The following R3HDM2 variants were observed in gnomAD, a reference collection of about 807,000 sequenced individuals.
R3HDM2 encodes R3H domain-containing protein 2.
A neutral mutation model predicts 124.5 loss-of-function variants in R3HDM2; 38 were observed. The observed-to-expected ratio is 0.31, with a 90% CI of 0.24 to 0.40. R3HDM2 has a LOEUF of 0.40. Ranked by LOEUF, R3HDM2 falls within the 10% of genes least tolerant of loss-of-function variation. The pLI is 1.00. For synonymous variants in R3HDM2, 391 were observed against 448.0 expected (o/e 0.87, Z 1.61); for missense variants, 869 against 1,236.9 (o/e 0.70, Z 4.46).
intron 1 of R3HDM2, among the ~76,000 whole-genome samples, chr12:57,416,759 G>C (rs1379010658): frequency 6.6e-6 from 1 of 152,030 alleles, no homozygotes; most frequent in African/African-American, 2.4e-5. Flanking sequence ...AGTGAGCTGA[G>C]ACTGCGCCAC....
intron 2 of R3HDM2, among the ~76,000 whole-genome samples, chr12:57,353,816 G>C (rs191810361): frequency 8.5e-5 from 13 of 152,088 alleles, no homozygotes; most frequent in Non-Finnish European, 1.9e-4. Context: ...AAGACATAGA[G>C]GGAAGAATGG....
chr12:57,269,882 G>A lies in R3HDM2; in HGVS notation c.1457C>T (p.Pro486Leu), dbSNP rs368114356. Residue 486 changes from proline to leucine, a missense_variant, in exon 15 of 24, where the codon CCT (proline) becomes CTT (leucine). By Grantham distance (98) the Pro-to-Leu change is moderately conservative. Coordinates refer to ENST00000402412, the MANE Select transcript of R3HDM2 (RefSeq NM_001394031.1). ...LFQTPLISQH[P>L]QQTSFIMAST... The stretch of plus-strand genomic sequence containing the variant: ...AGCCATGATGAAGCTAGTCTGCTGA[G>A]GGTGCTGGGAGATAAGTGGGGTCTG... 1 of 1,614,082 alleles carries A rather than the reference G, an allele frequency of 6.2e-7. No homozygotes were observed. The highest frequency in any genetic ancestry group is 1.3e-5 in the African/African-American group (1 of 74,922).
intron 2 of R3HDM2, among the ~76,000 whole-genome samples, chr12:57,335,708 G>C (rs2058773334): frequency 7.0e-6 from 1 of 142,892 alleles, no homozygotes; most frequent in Non-Finnish European, 1.5e-5. Context: ...TTATTAGGTT[G>C]CCCAGGCTGG....
intron 2 of R3HDM2, among the ~76,000 whole-genome samples, chr12:57,314,692 T>C (rs1428155066): frequency 2.6e-5 from 4 of 152,200 alleles, no homozygotes; most frequent in African/African-American, 9.6e-5. Flanking sequence ...TTATAAATTA[T>C]GAACTGCTTC....
intron 2 of R3HDM2, among the ~76,000 whole-genome samples, chr12:57,313,882 G>GAAAAAAA (rs869177467): frequency 1.7e-5 from 1 of 60,500 alleles, no homozygotes; most frequent in Admixed American, 2.2e-4. Context: ...TCCTGTCTCT[G>GAAAAAAA]AAAAAAAAAA....
At chr12:57,317,837 G>T (rs1041606797) in intron 2 of R3HDM2, among the ~76,000 whole-genome samples, 1 of 151,604 alleles carries the variant, frequency 6.6e-6, no homozygotes, top group African/African-American at 2.4e-5. Context: ...ATTACTAGCC[G>T]GGTGTGGTGG....
At chr12:57,342,930 C>G (rs1593596242) in intron 2 of R3HDM2, among the ~76,000 whole-genome samples, 1 of 152,250 alleles carries the variant, frequency 6.6e-6, no homozygotes, top group East Asian at 1.9e-4. Context: ...GCTATCTATT[C>G]CTCTTCCTAT....
At chr12:57,322,194 C>T (rs1160649112) in intron 2 of R3HDM2, among the ~76,000 whole-genome samples, 2 of 152,164 alleles carry the variant, frequency 1.3e-5, no homozygotes, top group Non-Finnish European at 2.9e-5. Context: ...CCAGCCTGGG[C>T]AACAGAGTGA....
chr12:57,369,972 T>C (rs953753697), intron 2 of R3HDM2, among the ~76,000 whole-genome samples: 1 of 152,176 alleles, frequency 6.6e-6, no homozygotes. Context: ...CACATATAAA[T>C]TAATAAGAAT....
chr12:57,320,711 A>G (rs2056304396), intron 2 of R3HDM2, among the ~76,000 whole-genome samples: 1 of 152,146 alleles, frequency 6.6e-6, no homozygotes, highest in Non-Finnish European at 1.5e-5. Context: ...CATATTCCCT[A>G]TAATTTTTTT....
At chr12:57,421,663 G>A (rs538693366) in intron 1 of R3HDM2, among the ~76,000 whole-genome samples, 1 of 151,078 alleles carries the variant, frequency 6.6e-6, no homozygotes, top group South Asian at 2.1e-4. Context: ...TGTGCCACCA[G>A]GCCCAGCTAA....
chr12:57,353,231 T>C (rs1437914918), intron 2 of R3HDM2, among the ~76,000 whole-genome samples: 2 of 151,982 alleles, frequency 1.3e-5, no homozygotes, highest in Non-Finnish European at 2.9e-5. Flanking sequence ...AACATACATA[T>C]AGGACAAATA....
intron 2 of R3HDM2, among the ~76,000 whole-genome samples, chr12:57,393,466 C>A (rs889763028): frequency 3.9e-5 from 6 of 152,026 alleles, no homozygotes; most frequent in Non-Finnish European, 8.8e-5. Context: ...GGCAACACAG[C>A]AAGACCTCAT....
chr12:57,289,175 A>G, intron 11 of R3HDM2, 135 bp from the exon 12 acceptor site: 1 of 813,310 alleles, frequency 1.2e-6, no homozygotes, highest in Non-Finnish European at 2.1e-6. Flanking sequence ...GAGAGGGGCC[A>G]GGGACAGGAT....
In R3HDM2 at chr12:57,357,554, G is replaced by GGT. The variant is rs1002515595; in HGVS notation, c.-36+38193_-36+38194dup. 2.7e-4 allele frequency among the ~76,000 whole-genome samples: 41 copies of GGT among 151,718 alleles called. 1 individual carries two copies. The highest frequency in any genetic ancestry group is 9.7e-4 in the African/African-American group (40 of 41,386). The stretch of plus-strand genomic sequence containing the variant: ...TCTCATACATACCTAATACTGGTAA[G>GGT]GTGTGTGTGTCTTCTCTTTTCCTTT... On this transcript the variant is annotated intron_variant, in intron 2 of 23. Transcript: ENST00000402412.
intron 2 of R3HDM2, among the ~76,000 whole-genome samples, chr12:57,391,028 AAAG>A (rs2066605260): frequency 6.6e-6 from 1 of 151,972 alleles, no homozygotes; most frequent in Non-Finnish European, 1.5e-5. Flanking sequence ...AAAAAAAAAA[AAAG>A]AAAGAAAGAA....
At chr12:57,285,563 G>C (rs1241117084) in intron 12 of R3HDM2, among the ~76,000 whole-genome samples, 3 of 152,104 alleles carry the variant, frequency 2.0e-5, no homozygotes, top group African/African-American at 7.2e-5. Context: ...AATGCCAAAA[G>C]TAGAATGGGA....
chr12:57,391,099 C>T (rs1396732837), intron 2 of R3HDM2, among the ~76,000 whole-genome samples: 1 of 150,948 alleles, frequency 6.6e-6, no homozygotes, highest in Non-Finnish European at 1.5e-5. Context: ...TTATCACAGA[C>T]AAATAAAAAC....
intron 13 of R3HDM2, 75 bp downstream of exon 13, chr12:57,283,749 T>A: frequency 4.7e-5 from 67 of 1,434,118 alleles, no homozygotes; most frequent in South Asian, 3.9e-4. Flanking sequence ...AAAAAAAAAG[T>A]AAATATCAGT....
Sources: allele counts gnomAD v4.1 joint callset (sites outside exome capture counted in the v4.1 genomes callset), GRCh38; gene constraint gnomAD v4.1.1; transcripts MANE v1.5; gene names NCBI Gene and HGNC (gene_info 2026-07-23, HGNC 2026-07-21).